Variants in FNDC3B observed in about 807,000 individuals in gnomAD.
The protein encoded by FNDC3B is fibronectin type III domain containing 3B.
In FNDC3B, 12 loss-of-function variants were observed where a neutral mutation model predicts 151.5. That is an observed-to-expected ratio of 0.08 (90% CI 0.05 to 0.13). The LOEUF is 0.13. Ranked by LOEUF, FNDC3B falls within the 10% of genes least tolerant of loss-of-function variation. The pLI is 1.00. For synonymous variants in FNDC3B, 528 were observed against 549.0 expected (o/e 0.96, Z 0.54); for missense variants, 1,214 against 1,505.3 (o/e 0.81, Z 3.20).
At chr3:172,318,592 A>G (rs1435569219) in intron 11 of FNDC3B, among the ~76,000 whole-genome samples, 14 of 152,204 alleles carry the variant, frequency 9.2e-5, no homozygotes, top group Admixed American at 9.2e-4. Flanking sequence ...GTAATTAACT[A>G]GGTCCCACAG....
At chr3:172,330,879 C>G (rs187762930) in intron 13 of FNDC3B, among the ~76,000 whole-genome samples, 164 bp downstream of exon 13, 1 of 152,330 alleles carries the variant, frequency 6.6e-6, no homozygotes, top group African/African-American at 2.4e-5. Context: ...TTTCCCATCT[C>G]TGTAAATGAC....
At chr3:172,369,110 G>A (rs1349266552) in intron 23 of FNDC3B, among the ~76,000 whole-genome samples, 2 of 152,170 alleles carry the variant, frequency 1.3e-5, no homozygotes. Flanking sequence ...AAATATCCAG[G>A]CACAGACAGA....
chr3:172,202,116 T>C (rs1725185850), intron 3 of FNDC3B, among the ~76,000 whole-genome samples: 1 of 152,212 alleles, frequency 6.6e-6, no homozygotes, highest in Non-Finnish European at 1.5e-5. Flanking sequence ...AAATCACATA[T>C]GCCAGATTTC....
intron 11 of FNDC3B, among the ~76,000 whole-genome samples, chr3:172,328,166 A>G (rs1253335254): frequency 2.0e-5 from 3 of 152,234 alleles, no homozygotes; most frequent in Non-Finnish European, 2.9e-5. Flanking sequence ...GTATCACATA[A>G]GGCTAGGAAG....
intron 1 of FNDC3B, among the ~76,000 whole-genome samples, chr3:172,084,344 G>A (rs1219703630): frequency 1.3e-5 from 2 of 151,984 alleles, no homozygotes; most frequent in South Asian, 2.1e-4. Flanking sequence ...CCAGCTATTC[G>A]GGAGGCAGAG....
chr3:172,221,177 A>AT (rs34327845), intron 3 of FNDC3B, among the ~76,000 whole-genome samples: 116,277 of 151,862 alleles, frequency 0.77, 44,750 homozygotes, highest in African/African-American at 0.82. Context: ...AGCTCTAGTA[A>AT]TTTTTTTTGT....
chr3:172,330,457 G>C (rs1732587304), intron 12 of FNDC3B, 84 bp from the exon 13 acceptor site: 2 of 1,215,048 alleles, frequency 1.6e-6, no homozygotes, highest in African/African-American at 1.5e-5. Flanking sequence ...GAGTTGGGTA[G>C]TGTGCAGGCT....
chr3:172,351,580 C>G (rs755006777), intron 21 of FNDC3B, among the ~76,000 whole-genome samples: 1 of 152,138 alleles, frequency 6.6e-6, no homozygotes, highest in Non-Finnish European at 1.5e-5. Flanking sequence ...CCAAAAATCT[C>G]GATAATCCTG....
chr3:172,315,385 A>G (rs1023537640), intron 11 of FNDC3B, among the ~76,000 whole-genome samples: 1 of 152,218 alleles, frequency 6.6e-6, no homozygotes, highest in African/African-American at 2.4e-5. Flanking sequence ...CTGAAAAGAA[A>G]AAAAAGGAAT....
chr3:172,301,189 A>G (rs1394027806), intron 9 of FNDC3B, among the ~76,000 whole-genome samples: 2 of 152,232 alleles, frequency 1.3e-5, no homozygotes, highest in African/African-American at 4.8e-5. Context: ...GTGCAAATCT[A>G]TTTTAGACCT....
intron 25 of FNDC3B, among the ~76,000 whole-genome samples, chr3:172,385,563 C>CTT (rs11293866): frequency 7.1e-6 from 1 of 141,036 alleles, no homozygotes; most frequent in Non-Finnish European, 1.6e-5. Context: ...GACCTTTTTT[C>CTT]TTTTTTTTTT....
chr3:172,220,723 T>C (rs1041881532), intron 3 of FNDC3B, among the ~76,000 whole-genome samples: 5 of 152,176 alleles, frequency 3.3e-5, no homozygotes, highest in African/African-American at 1.2e-4. Flanking sequence ...ATTCTTTTTG[T>C]CTATTTGGAG....
At chr3:172,116,498 A>G (rs986380010) in intron 2 of FNDC3B, among the ~76,000 whole-genome samples, 1 of 152,106 alleles carries the variant, frequency 6.6e-6, no homozygotes, top group African/African-American at 2.4e-5. Context: ...GATATTGCCT[A>G]TTCTGGAATT....
intron 5 of FNDC3B, 64 bp from the exon 6 acceptor site, chr3:172,251,196 C>A: frequency 7.9e-7 from 1 of 1,266,128 alleles, no homozygotes; most frequent in Non-Finnish European, 1.1e-6. Context: ...ATCATTTGAC[C>A]ATTTAATAAT....
intron 3 of FNDC3B, among the ~76,000 whole-genome samples, chr3:172,141,105 A>C (rs28638791): frequency 0.034 from 5,225 of 151,966 alleles, 292 homozygotes; most frequent in African/African-American, 0.12. Flanking sequence ...CATTATTCTT[A>C]TCATCATTAT....
At position 172,115,313 on chromosome 3, in the gene FNDC3B, C is replaced by A. The variant is rs543267928; in HGVS notation, c.111+2723C>A. 8.5e-4 allele frequency among the ~76,000 whole-genome samples: 129 copies of A among 152,142 alleles called. 1 individual carries two copies. Among genetic ancestry groups the A allele is most frequent in the African/African-American group, 3.1e-3 (127 of 41,494 alleles). On this transcript the variant is annotated intron_variant, in intron 2 of 25. Coordinates refer to ENST00000415807, the MANE Select transcript of FNDC3B (RefSeq NM_022763.4). ...AGACAGAGTGAAGGAGAAGGAAAACCAAAAGTGGCAGAGAAACACAAGAGG... is the reference window on the plus strand; with the variant it reads ...AGACAGAGTGAAGGAGAAGGAAAACAAAAAGTGGCAGAGAAACACAAGAGG...
intron 23 of FNDC3B, among the ~76,000 whole-genome samples, chr3:172,369,449 T>C (rs750791438): frequency 7.3e-5 from 11 of 151,136 alleles, no homozygotes; most frequent in Non-Finnish European, 1.6e-4. Flanking sequence ...CATTAATGTC[T>C]AAAGTATACC....
At chr3:172,232,659 GAA>G (rs1246130968) in intron 4 of FNDC3B, among the ~76,000 whole-genome samples, 4 of 152,148 alleles carry the variant, frequency 2.6e-5, no homozygotes, top group Non-Finnish European at 5.9e-5. Flanking sequence ...TAAACTATGA[GAA>G]AGTGGATTTA....
chr3:172,174,763 T>A (rs1723467641), intron 3 of FNDC3B, among the ~76,000 whole-genome samples: 1 of 152,158 alleles, frequency 6.6e-6, no homozygotes, highest in African/African-American at 2.4e-5. Context: ...ACAAATGGTC[T>A]CGGTTTGGTT....
Sources: gnomAD v4.1 joint callset for allele counts (sites outside exome capture counted in the v4.1 genomes callset) on GRCh38, gnomAD v4.1.1 for gene constraint, MANE v1.5 for transcripts, NCBI Gene and HGNC (gene_info 2026-07-23, HGNC 2026-07-21) for gene names.